Variants in D2HGDH observed in about 807,000 individuals in gnomAD.
D2HGDH encodes D-2-hydroxyglutarate dehydrogenase, mitochondrial.
Under a neutral mutation model 46.9 loss-of-function variants are expected in D2HGDH, and 31 were observed. The ratio of observed to expected loss-of-function variants is 0.66; its 90% CI spans 0.50 to 0.89. The LOEUF is 0.89. Ranked by LOEUF, D2HGDH falls within the 40% of genes least tolerant of loss-of-function variation. The pLI is 0.00. For missense variants in D2HGDH, 698 were observed against 720.8 expected, an observed-to-expected ratio of 0.97 and a Z score of 0.36; for synonymous variants, 364 against 332.6, an observed-to-expected ratio of 1.09 and a Z score of -1.03.
chr2:241,767,603 G>T, intron 9 of D2HGDH, 107 bp from the exon 10 acceptor site: 1 of 1,515,280 alleles, frequency 6.6e-7, no homozygotes, highest in East Asian at 2.3e-5. Flanking sequence ...CTCAGCCGGG[G>T]GTCTCGGGGT....
chr2:241,750,960 G>C (rs1697079123), intron 7 of D2HGDH, among the ~76,000 whole-genome samples: 1 of 152,202 alleles, frequency 6.6e-6, no homozygotes, highest in African/African-American at 2.4e-5. Flanking sequence ...GTTTTGCCGT[G>C]TTGTCCAGGC....
At position 241,735,802 on chromosome 2, in the gene D2HGDH, C is replaced by G. The variant is rs143455273; in HGVS notation, c.292+286C>G. Reference sequence around the variant, plus strand: ...GTGCAGTCACGGAGTTTCACTCTGTCGCCAGGCCGGAGTGCAGTGGCGCGA... The same window carrying G: ...GTGCAGTCACGGAGTTTCACTCTGTGGCCAGGCCGGAGTGCAGTGGCGCGA... On this transcript the variant is annotated intron_variant, in intron 2 of 9. Coordinates refer to ENST00000321264, the MANE Select transcript of D2HGDH (RefSeq NM_152783.5). 4.2e-3 allele frequency: 2,011 copies of G among 474,778 alleles called. 81 individuals are homozygous for G. The Admixed American group carries it at 0.047, about 11-fold the overall frequency. 29.4% of individuals were successfully genotyped at this position (474,778 alleles called of 1,614,324 possible).
chr2:241,741,191 C>A, intron 3 of D2HGDH, 101 bp downstream of exon 3: 1 of 1,058,400 alleles, frequency 9.4e-7, no homozygotes, highest in Non-Finnish European at 1.4e-6. Context: ...GCGAAGCCAG[C>A]CGATGACATC....
chr2:241,753,987 G>A (rs1190845154), intron 8 of D2HGDH, among the ~76,000 whole-genome samples: 1 of 152,242 alleles, frequency 6.6e-6, no homozygotes, highest in Non-Finnish European at 1.5e-5. Context: ...ATGACCCTGA[G>A]GGGTCATTTC....
At chr2:241,750,037 G>T in intron 6 of D2HGDH, 114 bp from the exon 7 acceptor site, 1 of 1,526,854 alleles carries the variant, frequency 6.5e-7, no homozygotes. Flanking sequence ...GCTCCTCGTG[G>T]CTGCCCAGCT....
At chr2:241,762,068 CCTTTTT>C in intron 9 of D2HGDH, among the ~76,000 whole-genome samples, 1 of 130,934 alleles carries the variant, frequency 7.6e-6, no homozygotes, top group South Asian at 2.3e-4. Context: ...TTTTTCTTTT[CCTTTTT>C]TTTTTTTTTT....
chr2:241,752,219 T>G (rs976216564), intron 8 of D2HGDH, among the ~76,000 whole-genome samples: 1 of 152,170 alleles, frequency 6.6e-6, no homozygotes, highest in African/African-American at 2.4e-5. Flanking sequence ...ACTGTCATGA[T>G]TCCAGTGCTT....
intron 6 of D2HGDH, 181 bp from the exon 7 acceptor site, chr2:241,749,970 C>T: frequency 1.3e-6 from 1 of 784,254 alleles, no homozygotes; most frequent in East Asian, 2.7e-5. Flanking sequence ...GGTGGTAACA[C>T]CAGGCGTGCA....
At chr2:241,764,101 A>G (rs1045416559) in intron 9 of D2HGDH, among the ~76,000 whole-genome samples, 2 of 151,466 alleles carry the variant, frequency 1.3e-5, no homozygotes, top group Non-Finnish European at 2.9e-5. Flanking sequence ...TTCTTTCACA[A>G]CCAGTCCTTC....
At chr2:241,751,412 T>A in intron 8 of D2HGDH, 24 bp downstream of exon 8, 6 of 1,611,918 alleles carry the variant, frequency 3.7e-6, no homozygotes, top group South Asian at 1.1e-5. Flanking sequence ...TGCTTGCAGG[T>A]CCCCGCTCTC....
intron 9 of D2HGDH, among the ~76,000 whole-genome samples, chr2:241,757,952 T>TC: frequency 7.0e-6 from 1 of 143,726 alleles, no homozygotes; most frequent in Non-Finnish European, 1.5e-5. Flanking sequence ...AGAGTGAAAC[T>TC]CCATCTCAAA....
rs558244319 is a variant in D2HGDH, at chr2:241,740,773, T to C, written c.293-260T>C. Among the ~76,000 whole-genome samples the C allele has an allele frequency of 4.7e-4, 71 of 152,268 alleles. 1 individual carries two copies. In the South Asian group the frequency reaches 0.013, roughly 28 times the overall value. Reference sequence around the variant, plus strand: ...CAGCCTGGCCAATGTGGTGAAACCCTGTCTCTACTAAAAATACAAAAATTA... The same window carrying C: ...CAGCCTGGCCAATGTGGTGAAACCCCGTCTCTACTAAAAATACAAAAATTA... On this transcript the variant is annotated intron_variant, in intron 2 of 9. Coordinates refer to ENST00000321264, the MANE Select transcript of D2HGDH (RefSeq NM_152783.5).
intron 2 of D2HGDH, 86 bp downstream of exon 2, chr2:241,735,602 A>C (rs1692555115): frequency 4.5e-6 from 7 of 1,556,224 alleles, no homozygotes; most frequent in Non-Finnish European, 6.1e-6. Flanking sequence ...GGCTGAGAAC[A>C]ACCTGGATGG....
chr2:241,736,639 A>C (rs1692912694), intron 2 of D2HGDH, among the ~76,000 whole-genome samples: 1 of 151,300 alleles, frequency 6.6e-6, no homozygotes, highest in Non-Finnish European at 1.5e-5. Flanking sequence ...CAGTACTGTC[A>C]ACTTAATTAC....
intron 6 of D2HGDH, among the ~76,000 whole-genome samples, chr2:241,746,843 A>G (rs1168148731): frequency 5.3e-5 from 8 of 151,500 alleles, no homozygotes; most frequent in Admixed American, 5.3e-4. Flanking sequence ...GGCTGAGATC[A>G]TGCCACTGCA....
chr2:241,745,356 A>G (rs1695588509), intron 6 of D2HGDH, among the ~76,000 whole-genome samples: 1 of 152,128 alleles, frequency 6.6e-6, no homozygotes. Context: ...ACTCACAGCC[A>G]CTTCTTCGGT....
chr2:241,759,651 T>C (rs1698553007), intron 9 of D2HGDH, among the ~76,000 whole-genome samples: 1 of 152,226 alleles, frequency 6.6e-6, no homozygotes. Flanking sequence ...GGCCCACTGT[T>C]TGGATTTGTC....
At chr2:241,759,570 C>T (rs1324901579) in intron 9 of D2HGDH, among the ~76,000 whole-genome samples, 1 of 152,112 alleles carries the variant, frequency 6.6e-6, no homozygotes, top group Admixed American at 6.6e-5. Context: ...TTGTGGACGC[C>T]CCCGGACAGG....
intron 6 of D2HGDH, among the ~76,000 whole-genome samples, chr2:241,746,096 C>A (rs1695799293): frequency 6.6e-6 from 1 of 152,172 alleles, no homozygotes; most frequent in African/African-American, 2.4e-5. Context: ...TATCTTTTAC[C>A]AGTTCTAGAA....
Sources: allele counts gnomAD v4.1 joint callset (sites outside exome capture counted in the v4.1 genomes callset), GRCh38; gene constraint gnomAD v4.1.1; transcripts MANE v1.5; gene names NCBI Gene and HGNC (gene_info 2026-07-23, HGNC 2026-07-21).